MID1: variants seen among roughly 807,000 people sequenced by gnomAD.
MID1 encodes midline 1.
A neutral mutation model predicts 40.4 loss-of-function variants in MID1; 7 were observed. The observed-to-expected ratio is 0.17, with a 90% CI of 0.10 to 0.33. The LOEUF is 0.33. Among genes scored for constraint, MID1 ranks in the 10% least tolerant of loss-of-function variants. The probability of loss-of-function intolerance (pLI) is 1.00; values close to 1 mark genes in which losing one functional copy is unlikely to be tolerated. For missense variants in MID1, 367 were observed against 558.5 expected (o/e 0.66, Z 3.46); for synonymous variants, 229 against 221.2 (o/e 1.04, Z -0.31).
chrX:10,832,370 T>C (rs2147166480), intron 1 of MID1, among the ~76,000 whole-genome samples: 1 of 112,619 alleles, frequency 8.9e-6, no homozygotes, highest in South Asian at 3.6e-4. Context: ...TTTAAAAACG[T>C]GGTCATTTTC....
At chrX:10,613,696 AATATATATATATATATAT>A (rs1177605401) in intron 1 of MID1, among the ~76,000 whole-genome samples, 3 of 16,853 alleles carry the variant, frequency 1.8e-4, no homozygotes, top group South Asian at 4.9e-3. Flanking sequence ...AACTGAAAGG[AATATATATATATATATAT>A]ATATATATAT....
intron 3 of MID1, among the ~76,000 whole-genome samples, chrX:10,512,944 G>A (rs1325809693): frequency 1.8e-5 from 2 of 111,640 alleles, no homozygotes; most frequent in East Asian, 2.8e-4. Context: ...TGGTAGCCTC[G>A]GGCATTTTAA....
chrX:10,488,382 C>G (rs1930741008), intron 4 of MID1, among the ~76,000 whole-genome samples: 2 of 111,779 alleles, frequency 1.8e-5, no homozygotes, highest in Non-Finnish European at 3.8e-5. Flanking sequence ...AAGAAACTGC[C>G]AGCTTTCCAG....
At chrX:10,789,195 T>TAA (rs2043910924) in intron 1 of MID1, among the ~76,000 whole-genome samples, 2 of 107,295 alleles carry the variant, frequency 1.9e-5, no homozygotes, top group African/African-American at 6.7e-5. Context: ...CCTGTATAAA[T>TAA]AAATAAATAA....
At chrX:10,737,293 A>T (rs2043494250) in intron 1 of MID1, among the ~76,000 whole-genome samples, 1 of 112,599 alleles carries the variant, frequency 8.9e-6, no homozygotes, top group African/African-American at 3.2e-5. Context: ...AAGCCTATGC[A>T]TCAAATATAT....
intron 3 of MID1, among the ~76,000 whole-genome samples, chrX:10,499,453 T>C (rs758672844): frequency 5.3e-5 from 6 of 112,298 alleles, no homozygotes; most frequent in Non-Finnish European, 1.1e-4. Context: ...TAAATTTTAA[T>C]GAAGTTAATT....
At chrX:10,667,046 G>T (rs918999748) in intron 1 of MID1, among the ~76,000 whole-genome samples, 1 of 111,359 alleles carries the variant, frequency 9.0e-6, no homozygotes, top group Admixed American at 9.6e-5. Flanking sequence ...TAGAGTTGGG[G>T]GTGGGACAGG....
Position 10,509,731 on chromosome X carries a change from C to G in MID1, c.756+13361G>C, listed in dbSNP as rs73477248. Among the ~76,000 whole-genome samples, 1,111 of 112,190 alleles carry G rather than the reference C, an allele frequency of 9.9e-3. 12 individuals are homozygous for G. The highest frequency in any genetic ancestry group is 0.034 in the African/African-American group (1,051 of 30,847). ...GTGTACAGTCTTCTCAAGAAGGGTC[C>G]TTTCTGCCCTTCAAGGTGTGAGCTT... is the stretch of plus-strand genomic sequence containing the variant. On this transcript the variant is annotated intron_variant, in intron 3 of 9. Transcript: ENST00000317552.
chrX:10,683,933 C>T (rs1354097878), intron 1 of MID1, among the ~76,000 whole-genome samples: 1 of 107,626 alleles, frequency 9.3e-6, no homozygotes, highest in Non-Finnish European at 1.9e-5. Context: ...CGACATCTGG[C>T]TACTTTTTCT....
At chrX:10,468,133 C>T (rs1339581883) in intron 7 of MID1, among the ~76,000 whole-genome samples, 1 of 112,180 alleles carries the variant, frequency 8.9e-6, no homozygotes, top group Admixed American at 9.5e-5. Context: ...TGACTTTCTC[C>T]ACTTTCATTT....
At chrX:10,587,141 C>T (rs1417047971) in intron 1 of MID1, among the ~76,000 whole-genome samples, 2 of 112,482 alleles carry the variant, frequency 1.8e-5, no homozygotes, top group Non-Finnish European at 3.8e-5. Context: ...GCTTCTCTCG[C>T]TTTACAATGT....
chrX:10,716,998 A>T (rs1473423176), intron 1 of MID1, among the ~76,000 whole-genome samples: 1 of 111,579 alleles, frequency 9.0e-6, no homozygotes, highest in Non-Finnish European at 1.9e-5. Context: ...AAATGCTGAG[A>T]GATTTTGTCA....
intron 2 of MID1, among the ~76,000 whole-genome samples, chrX:10,528,943 C>A (rs966834455): frequency 5.4e-5 from 6 of 111,237 alleles, no homozygotes; most frequent in African/African-American, 2.0e-4. Flanking sequence ...TGGTTAAGTA[C>A]ACAGAACCTG....
At chrX:10,621,996 T>A (rs1259327090), upstream of MID1, among the ~76,000 whole-genome samples, 1 of 103,951 alleles carries the variant, frequency 9.6e-6, no homozygotes, top group Non-Finnish European at 2.0e-5. Context: ...TCTCCAGACA[T>A]TACCAAATGT....
intron 1 of MID1, among the ~76,000 whole-genome samples, chrX:10,636,789 T>TATAA (rs1431864389): frequency 5.7e-4 from 27 of 47,108 alleles, no homozygotes; most frequent in African/African-American, 1.7e-3. Flanking sequence ...AATGGGGATA[T>TATAA]ATATATATAT....
chrX:10,664,762 C>G (rs2042939132), intron 1 of MID1, among the ~76,000 whole-genome samples: 1 of 111,867 alleles, frequency 8.9e-6, no homozygotes, highest in South Asian at 3.8e-4. Context: ...CGTGATGGCT[C>G]CTGGTAGTTA....
chrX:10,681,476 G>A (rs1032328123), intron 1 of MID1, among the ~76,000 whole-genome samples: 6 of 112,228 alleles, frequency 5.3e-5, no homozygotes, highest in African/African-American at 1.6e-4. Flanking sequence ...AGTGGGAGCT[G>A]TCAGCTGGAA....
intron 1 of MID1, among the ~76,000 whole-genome samples, chrX:10,616,425 T>C (rs1935839772): frequency 8.9e-6 from 1 of 112,169 alleles, no homozygotes; most frequent in African/African-American, 3.2e-5. Context: ...ATCATGTGGG[T>C]TAAAAATGTC....
chrX:10,490,043 A>G (rs997321139), intron 4 of MID1, among the ~76,000 whole-genome samples: 1 of 112,028 alleles, frequency 8.9e-6, no homozygotes, highest in South Asian at 3.7e-4. Flanking sequence ...GCATTCTAAT[A>G]TGAACTTTAG....
Sources: gnomAD v4.1 joint callset for allele counts (sites outside exome capture counted in the v4.1 genomes callset) on GRCh38, gnomAD v4.1.1 for gene constraint, MANE v1.5 for transcripts, NCBI Gene and HGNC (gene_info 2026-07-23, HGNC 2026-07-21) for gene names.